ICA1L: variants seen among roughly 807,000 people sequenced by gnomAD.
ICA1L encodes islet cell autoantigen 1 like, also known as islet cell autoantigen 1-like protein.
Under a neutral mutation model 61.3 loss-of-function variants are expected in ICA1L, and 50 were observed. That is an observed-to-expected ratio of 0.82 (90% CI 0.65 to 1.03). The LOEUF is 1.03. Ranked by LOEUF, ICA1L falls within the 50% of genes least tolerant of loss-of-function variation. The pLI is 0.00. For synonymous variants in ICA1L, 161 were observed against 191.3 expected (o/e 0.84, Z 1.31); for missense variants, 508 against 556.7 (o/e 0.91, Z 0.88).
chr2:202,779,493 T>C lies in ICA1L; in HGVS notation c.*40A>G, dbSNP rs746081750. ...TCCACGAAGGAAATACGTTGCAAAA[T>C]TGATGTCTCAAGGCCACTGAAGTGA... is the stretch of plus-strand genomic sequence containing the variant. On this transcript the variant is annotated 3_prime_UTR_variant, in exon 13 of 13. Coordinates refer to ENST00000358299, the MANE Select transcript of ICA1L (RefSeq NM_001288622.3). 6 of 1,235,892 alleles carry C rather than the reference T, an allele frequency of 4.9e-6. No individual in the cohort carries two copies. The Admixed American group carries it at 9.7e-5, about 20-fold the overall frequency. 76.6% of individuals were successfully genotyped at this position (1,235,892 alleles called of 1,614,324 possible).
chr2:202,783,865 CTATT>C (rs369920420), intron 12 of ICA1L, among the ~76,000 whole-genome samples: 82 of 148,670 alleles, frequency 5.5e-4, no homozygotes, highest in Non-Finnish European at 8.3e-4. Context: ...GCTACTTAAA[CTATT>C]TATTTCAGTT....
At chr2:202,840,013 TA>T (rs1694278819) in intron 1 of ICA1L, among the ~76,000 whole-genome samples, 2 of 151,786 alleles carry the variant, frequency 1.3e-5, no homozygotes, top group South Asian at 4.1e-4. Flanking sequence ...TACATCTTTT[TA>T]TATTGTATAT....
At chr2:202,840,056 ATTT>A (rs1366857889) in intron 1 of ICA1L, among the ~76,000 whole-genome samples, 1 of 78,476 alleles carries the variant, frequency 1.3e-5, no homozygotes, top group South Asian at 3.3e-4. Flanking sequence ...CATTATTATT[ATTT>A]TTTTTAATTT....
Position 202,819,979 on chromosome 2 carries a change from CA to C in ICA1L, c.360-81del, listed in dbSNP as rs1574352605. The C allele has an allele frequency of 4.8e-6, 5 of 1,044,050 alleles. No individual in the cohort carries two copies. The East Asian group carries it at 1.3e-4, about 27-fold the overall frequency. 64.7% of individuals were successfully genotyped at this position (1,044,050 alleles called of 1,614,324 possible). On this transcript the variant is annotated intron_variant, in intron 4 of 12. Coordinates refer to ENST00000358299, the MANE Select transcript of ICA1L (RefSeq NM_001288622.3). Reference sequence around the variant, plus strand: ...ACAAAGGTTTAAACCAATGAAAAAGCATATTTGCTAACAAGATGAATCTACA... The same window carrying C: ...ACAAAGGTTTAAACCAATGAAAAAGCTATTTGCTAACAAGATGAATCTACA...
intron 9 of ICA1L, among the ~76,000 whole-genome samples, chr2:202,803,622 C>G (rs1693150112): frequency 6.6e-6 from 1 of 152,070 alleles, no homozygotes; most frequent in Non-Finnish European, 1.5e-5. Flanking sequence ...GCAGCCTCTA[C>G]CTACCCACAC....
Position 202,819,912 on chromosome 2 carries a change from A to T in ICA1L, c.360-13T>A. ...ACACAGGGCCAATCTAATGGCAGAG[A>T]GGTAAAAATCAGAGGGTTGAACACA... On this transcript the variant is annotated splice_polypyrimidine_tract_variant and intron_variant, in intron 4 of 12. Coordinates refer to ENST00000358299, the MANE Select transcript of ICA1L (RefSeq NM_001288622.3). The T allele has an allele frequency of 6.2e-7, 1 of 1,607,250 alleles. No individual in the cohort carries two copies. Among genetic ancestry groups the T allele is most frequent in the Non-Finnish European group, 8.5e-7 (1 of 1,174,418 alleles).
intron 1 of ICA1L, chr2:202,841,625 A>G: frequency 1.6e-6 from 1 of 632,438 alleles, no homozygotes; most frequent in Non-Finnish European, 3.0e-6. Flanking sequence ...TCCACCCAGG[A>G]CACCCCGAAA....
intron 4 of ICA1L, among the ~76,000 whole-genome samples, chr2:202,820,993 A>C (rs893435813): frequency 2.0e-5 from 3 of 152,236 alleles, no homozygotes; most frequent in Non-Finnish European, 4.4e-5. Context: ...TTTATAGTAT[A>C]GTATCAAAAA....
chr2:202,825,393 C>G (rs976296946), intron 3 of ICA1L: 25 of 345,162 alleles, frequency 7.2e-5, no homozygotes, highest in Non-Finnish European at 1.4e-5. Context: ...TCACTTGAGC[C>G]CAGGTGGTGG....
intron 9 of ICA1L, among the ~76,000 whole-genome samples, chr2:202,798,712 C>T (rs935719049): frequency 2.0e-5 from 3 of 151,234 alleles, no homozygotes; most frequent in Admixed American, 1.3e-4. Flanking sequence ...AAACTTGATA[C>T]ATTCCTTCTA....
chr2:202,809,383 C>G (rs909370101), intron 9 of ICA1L, among the ~76,000 whole-genome samples: 9 of 151,820 alleles, frequency 5.9e-5, no homozygotes, highest in African/African-American at 1.9e-4. Flanking sequence ...GGTGCAGTAC[C>G]CCACGCCTGT....
rs528286408 is a variant in ICA1L, at chr2:202,783,158, T to C, written c.1333+2760A>G. Among the ~76,000 whole-genome samples, 4 of 152,198 alleles carry C rather than the reference T, an allele frequency of 2.6e-5. No individual in the cohort carries two copies. The South Asian group carries it at 8.3e-4, about 32-fold the overall frequency. ...TGTAAATAGAGAGGGAATGAGGAAA[T>C]AGAAAATCACCGTTTGGCAACAACT... On this transcript the variant is annotated intron_variant, in intron 12 of 12. Coordinates refer to ENST00000358299, the MANE Select transcript of ICA1L (RefSeq NM_001288622.3).
intron 1 of ICA1L, among the ~76,000 whole-genome samples, chr2:202,835,550 A>ATTT (rs35895700): frequency 3.5e-5 from 5 of 143,616 alleles, no homozygotes; most frequent in Non-Finnish European, 6.0e-5. Flanking sequence ...AATGCTACTG[A>ATTT]TTTTTTTTTT....
chr2:202,840,357 C>T (rs1282041541), intron 1 of ICA1L: 17 of 485,766 alleles, frequency 3.5e-5, no homozygotes, highest in African/African-American at 9.8e-5. Context: ...TCAGAGGACT[C>T]GGACACCAGC....
intron 1 of ICA1L, among the ~76,000 whole-genome samples, chr2:202,861,043 A>T (rs973971508): frequency 9.2e-5 from 14 of 151,982 alleles, no homozygotes; most frequent in African/African-American, 3.4e-4. Context: ...CAGCCTGACC[A>T]ACGTGGTGAA....
In ICA1L at chr2:202,774,237, TC is replaced by T; in HGVS notation, c.*5295del. The T allele has an allele frequency of 2.6e-6, 4 of 1,547,788 alleles. No individual in the cohort carries two copies. The highest frequency in any genetic ancestry group is 3.5e-6 in the Non-Finnish European group (4 of 1,145,838). On this transcript the variant is annotated 3_prime_UTR_variant, in exon 13 of 13. Coordinates refer to ENST00000358299, the MANE Select transcript of ICA1L (RefSeq NM_001288622.3). ...TCGAAGGCGCGGGGCGGCTCCTGAGTCTTCTCGCTCCTGTCGGCCAAAGGCC... is the reference window on the plus strand; with the variant it reads ...TCGAAGGCGCGGGGCGGCTCCTGAGTTTCTCGCTCCTGTCGGCCAAAGGCC...
chr2:202,810,457 T>A (rs1172152916), intron 9 of ICA1L, among the ~76,000 whole-genome samples: 1 of 152,238 alleles, frequency 6.6e-6, no homozygotes, highest in Non-Finnish European at 1.5e-5. Flanking sequence ...CCTTGTGATT[T>A]CCTATGCCTG....
rs1023983938 is a variant in ICA1L at position 202,814,701 on chromosome 2, C to T, written c.866+1G>A. ...GACACAGATGACTTATGCCTGCTTA[C>T]TTATTGAGCTGTTCAGTAAGAAAAC... On this transcript the variant is annotated splice_donor_variant, in intron 8 of 12. Transcript: ENST00000358299. LOFTEE classifies it high-confidence loss of function. The T allele has an allele frequency of 1.2e-6, 2 of 1,606,574 alleles. No individual in the cohort carries two copies. Among genetic ancestry groups the T allele is most frequent in the South Asian group, 1.1e-5 (1 of 90,680 alleles).
chr2:202,809,974 C>G (rs1022542101), intron 9 of ICA1L, among the ~76,000 whole-genome samples: 2 of 151,876 alleles, frequency 1.3e-5, no homozygotes, highest in Non-Finnish European at 2.9e-5. Context: ...AAAGATACCA[C>G]TATCCAAGTA....
Sources: gnomAD v4.1 joint callset for allele counts (sites outside exome capture counted in the v4.1 genomes callset) on GRCh38, gnomAD v4.1.1 for gene constraint, MANE v1.5 for transcripts, NCBI Gene and HGNC (gene_info 2026-07-23, HGNC 2026-07-21) for gene names.